The following NRCAM variants were observed in gnomAD, a reference collection of about 807,000 sequenced individuals.
NRCAM encodes NgCAM-related cell adhesion molecule.
NRCAM carries 83 observed loss-of-function variants against 156.5 expected under a neutral mutation model. That is an observed-to-expected ratio of 0.53 (90% confidence interval 0.44 to 0.64). The LOEUF (loss-of-function observed/expected upper bound fraction) is 0.64, where lower values mean the gene tolerates loss of function less well. Among genes scored for constraint, NRCAM ranks in the 30% least tolerant of loss-of-function variants. NRCAM has a pLI of 0.00. For missense variants in NRCAM, 1,417 were observed against 1,597.3 expected (o/e 0.89, Z 1.92); for synonymous variants, 538 against 563.9 (o/e 0.95, Z 0.65).
intron 2 of NRCAM, among the ~76,000 whole-genome samples, chr7:108,377,928 C>A (rs973407936): frequency 1.3e-5 from 2 of 152,172 alleles, no homozygotes; most frequent in South Asian, 4.1e-4. Context: ...GACATCCCCC[C>A]ACCTTGCAAA....
intron 1 of NRCAM, among the ~76,000 whole-genome samples, chr7:108,433,196 C>A (rs943726927): frequency 1.6e-4 from 25 of 152,102 alleles, no homozygotes; most frequent in African/African-American, 5.6e-4. Flanking sequence ...GCATTGTCTT[C>A]CATATCCCCT....
At chr7:108,152,924 A>AGAT (rs2042624005) in intron 32 of NRCAM, among the ~76,000 whole-genome samples, 1 of 152,152 alleles carries the variant, frequency 6.6e-6, no homozygotes, top group Admixed American at 6.5e-5. Context: ...CTGATAGGTT[A>AGAT]GACATGGAAT....
intron 1 of NRCAM, among the ~76,000 whole-genome samples, chr7:108,448,873 G>C (rs891493064): frequency 5.3e-5 from 8 of 152,100 alleles, no homozygotes; most frequent in Admixed American, 1.3e-4. Context: ...GTATCTTGTT[G>C]CACATCAAAA....
At chr7:108,453,600 C>T (rs796090350) in intron 1 of NRCAM, among the ~76,000 whole-genome samples, 5 of 152,330 alleles carry the variant, frequency 3.3e-5, no homozygotes, top group African/African-American at 1.2e-4. Flanking sequence ...TAGTTAGATA[C>T]AATGTTGCCT....
chr7:108,266,160 T>C (rs553670120), intron 3 of NRCAM, among the ~76,000 whole-genome samples: 58 of 152,348 alleles, frequency 3.8e-4, no homozygotes, highest in African/African-American at 1.4e-3. Context: ...CCTCACATCA[T>C]TGTTTTGGAT....
chr7:108,378,427 A>G (rs533646152), intron 2 of NRCAM, among the ~76,000 whole-genome samples: 1 of 152,230 alleles, frequency 6.6e-6, no homozygotes, highest in South Asian at 2.1e-4. Context: ...AGAGACCAAA[A>G]AAGAGAGAGA....
intron 20 of NRCAM, among the ~76,000 whole-genome samples, chr7:108,188,621 A>T (rs151163923): frequency 6.6e-6 from 1 of 150,852 alleles, no homozygotes; most frequent in Admixed American, 6.6e-5. Context: ...TTGAAATCTA[A>T]TGGTATTATT....
chr7:108,380,197 T>C lies in NRCAM; in HGVS notation c.-174+19239A>G, dbSNP rs531248600. 1.6e-4 allele frequency among the ~76,000 whole-genome samples: 24 copies of C among 152,322 alleles called. No individual in the cohort carries two copies. In the South Asian group the frequency reaches 2.3e-3, roughly 14 times the overall value. On this transcript the variant is annotated intron_variant, in intron 2 of 32. Transcript: ENST00000379028. ...ACTGTTGGCATTGAAAACAATCACA[T>C]TGAATAAATCTCATAAACATAACAT... is the stretch of plus-strand genomic sequence containing the variant.
At chr7:108,281,952 G>A (rs1039063123) in intron 3 of NRCAM, among the ~76,000 whole-genome samples, 1 of 152,228 alleles carries the variant, frequency 6.6e-6, no homozygotes, top group African/African-American at 2.4e-5. Flanking sequence ...CCACAGAGCA[G>A]AAGTGTAGGA....
chr7:108,342,579 C>T (rs374166140), intron 2 of NRCAM, among the ~76,000 whole-genome samples: 1 of 152,164 alleles, frequency 6.6e-6, no homozygotes, highest in Non-Finnish European at 1.5e-5. Context: ...TAACCCAAGC[C>T]CCAGTGTTAA....
chr7:108,408,386 T>G (rs928704146), intron 1 of NRCAM, among the ~76,000 whole-genome samples: 1 of 152,202 alleles, frequency 6.6e-6, no homozygotes, highest in Non-Finnish European at 1.5e-5. Flanking sequence ...GTGGCCCTAT[T>G]TGGTGGTCAT....
At chr7:108,345,065 G>T (rs1368386787) in intron 2 of NRCAM, among the ~76,000 whole-genome samples, 1 of 152,100 alleles carries the variant, frequency 6.6e-6, no homozygotes, top group African/African-American at 2.4e-5. Flanking sequence ...TAAAGAATGT[G>T]GGTCCCTGAT....
intron 6 of NRCAM, among the ~76,000 whole-genome samples, chr7:108,233,146 A>C (rs2094519743): frequency 6.6e-6 from 1 of 152,134 alleles, no homozygotes; most frequent in East Asian, 1.9e-4. Context: ...CCAATTGTCA[A>C]CTGAGATCCC....
intron 3 of NRCAM, among the ~76,000 whole-genome samples, chr7:108,280,499 G>A (rs1039575044): frequency 6.6e-6 from 1 of 152,226 alleles, no homozygotes; most frequent in Non-Finnish European, 1.5e-5. Flanking sequence ...AATGGTAAGA[G>A]TTGGAATGGA....
intron 3 of NRCAM, among the ~76,000 whole-genome samples, chr7:108,272,122 T>A (rs141596433): frequency 1.7e-3 from 262 of 152,348 alleles, no homozygotes; most frequent in African/African-American, 5.8e-3. Flanking sequence ...CAGAGTAACA[T>A]ATCTGGATCT....
At chr7:108,301,770 T>G (rs1002161027) in intron 3 of NRCAM, among the ~76,000 whole-genome samples, 4 of 151,886 alleles carry the variant, frequency 2.6e-5, no homozygotes, top group Non-Finnish European at 1.5e-5. Flanking sequence ...AAATGAAAAA[T>G]TTATGAATAT....
Position 108,176,160 on chromosome 7 carries a change from C to G in NRCAM, c.3151+270G>C, listed in dbSNP as rs2060418214. 2.0e-5 allele frequency among the ~76,000 whole-genome samples: 3 copies of G among 152,044 alleles called. No homozygotes were observed. The South Asian group carries it at 6.2e-4, about 32-fold the overall frequency. The stretch of plus-strand genomic sequence containing the variant: ...AAACAGGAAACAACATTCCCCTGAA[C>G]TTCAAATTCAAGTGTGGCAAATATT... On this transcript the variant is annotated intron_variant, in intron 27 of 32. Coordinates refer to ENST00000379028, the MANE Select transcript of NRCAM (RefSeq NM_001037132.4).
chr7:108,333,860 A>G (rs562485557), intron 2 of NRCAM, among the ~76,000 whole-genome samples: 2 of 152,144 alleles, frequency 1.3e-5, no homozygotes, highest in South Asian at 2.1e-4. Flanking sequence ...CTTAGACAAC[A>G]CTATGGGAAA....
intron 1 of NRCAM, among the ~76,000 whole-genome samples, chr7:108,429,945 G>A (rs117850892): frequency 0.013 from 1,962 of 152,286 alleles, 26 homozygotes; most frequent in Non-Finnish European, 0.021. Flanking sequence ...GAGGAAAAAC[G>A]TGAAAGAGGT....
Sources: allele counts gnomAD v4.1 joint callset (sites outside exome capture counted in the v4.1 genomes callset), GRCh38; gene constraint gnomAD v4.1.1; transcripts MANE v1.5; gene names NCBI Gene and HGNC (gene_info 2026-07-23, HGNC 2026-07-21).